SPOCK3: variants seen among roughly 807,000 people sequenced by gnomAD.
SPOCK3 encodes the protein SPARC (osteonectin), cwcv and kazal like domains proteoglycan 3.
SPOCK3 carries 30 observed loss-of-function variants against 56.6 expected under a neutral mutation model. The ratio of observed to expected loss-of-function variants is 0.53; its 90% CI spans 0.40 to 0.72. The LOEUF is 0.72. Ranked by LOEUF, SPOCK3 falls within the 30% of genes least tolerant of loss-of-function variation. The probability of loss-of-function intolerance (pLI) is 0.00; values close to 1 mark genes in which losing one functional copy is unlikely to be tolerated. For missense variants in SPOCK3, 527 were observed against 530.0 expected, an observed-to-expected ratio of 0.99 and a Z score of 0.06; for synonymous variants, 196 against 183.3, an observed-to-expected ratio of 1.07 and a Z score of -0.56.
chr4:166,776,798 C>T (rs1018330469), intron 7 of SPOCK3, among the ~76,000 whole-genome samples: 1 of 152,178 alleles, frequency 6.6e-6, no homozygotes, highest in Non-Finnish European at 1.5e-5. Context: ...ACCACCTAAA[C>T]ATCTGCTGGA....
chr4:167,077,294 A>T (rs1757282429), intron 2 of SPOCK3, among the ~76,000 whole-genome samples: 1 of 151,664 alleles, frequency 6.6e-6, no homozygotes, highest in African/African-American at 2.4e-5. Context: ...ACACATCAAA[A>T]TTCTTTAGAG....
intron 6 of SPOCK3, among the ~76,000 whole-genome samples, chr4:166,818,639 A>G (rs1744614814): frequency 6.6e-6 from 1 of 152,012 alleles, no homozygotes; most frequent in Non-Finnish European, 1.5e-5. Flanking sequence ...ATAGGCACAT[A>G]CTTCACTTAT....
intron 4 of SPOCK3, among the ~76,000 whole-genome samples, chr4:166,986,129 T>A (rs1022527927): frequency 6.6e-6 from 1 of 152,188 alleles, no homozygotes. Flanking sequence ...AAGCAAAACA[T>A]CTCAATGTCA....
chr4:167,112,551 G>A (rs1484092298), intron 2 of SPOCK3, among the ~76,000 whole-genome samples: 2 of 152,068 alleles, frequency 1.3e-5, no homozygotes, highest in Non-Finnish European at 2.9e-5. Flanking sequence ...GTCTCCAAAA[G>A]ATTGTCATGT....
intron 6 of SPOCK3, among the ~76,000 whole-genome samples, chr4:166,855,214 C>A (rs1170827100): frequency 1.3e-5 from 2 of 152,152 alleles, no homozygotes; most frequent in Non-Finnish European, 2.9e-5. Context: ...ATCAGCTCAG[C>A]ACTTCTCACA....
intron 4 of SPOCK3, among the ~76,000 whole-genome samples, chr4:166,934,973 G>A (rs1740233984): frequency 6.6e-6 from 1 of 152,124 alleles, no homozygotes; most frequent in South Asian, 2.1e-4. Context: ...CCAATTAGAG[G>A]AAACTGTGAG....
At chr4:167,163,876 T>C (rs764931836) in intron 2 of SPOCK3, among the ~76,000 whole-genome samples, 3 of 152,134 alleles carry the variant, frequency 2.0e-5, no homozygotes, top group Non-Finnish European at 4.4e-5. Context: ...ATAAATTATG[T>C]CTTTGGACAA....
chr4:167,229,921 A>G (rs1480356243), intron 2 of SPOCK3, among the ~76,000 whole-genome samples: 4 of 152,122 alleles, frequency 2.6e-5, no homozygotes, highest in Admixed American at 6.5e-5. Context: ...CTTAAAACAA[A>G]AAGTTCAGAA....
At chr4:166,792,313 G>A (rs781328475) in intron 6 of SPOCK3, 24 bp from the exon 7 acceptor site, 1 of 1,612,596 alleles carries the variant, frequency 6.2e-7, no homozygotes, top group Non-Finnish European at 8.5e-7. Context: ...AACAACACAA[G>A]TCTTGAATAA....
At chr4:166,851,260 G>C (rs898428668) in intron 6 of SPOCK3, among the ~76,000 whole-genome samples, 37 of 152,162 alleles carry the variant, frequency 2.4e-4, no homozygotes, top group South Asian at 4.1e-4. Context: ...TGAGGGTCCT[G>C]TCTGTTAGAA....
chr4:167,012,970 G>T (rs913490497), intron 3 of SPOCK3, among the ~76,000 whole-genome samples: 1 of 151,852 alleles, frequency 6.6e-6, no homozygotes, highest in Non-Finnish European at 1.5e-5. Flanking sequence ...TTAGACTTTT[G>T]ACAGTCAATT....
At chr4:167,185,753 C>G (rs567385588) in intron 2 of SPOCK3, among the ~76,000 whole-genome samples, 5 of 152,244 alleles carry the variant, frequency 3.3e-5, no homozygotes, top group Middle Eastern at 3.4e-3. Context: ...AACAGCTGCC[C>G]TTCTACAAAA....
chr4:166,800,330 A>T (rs1391603685), intron 6 of SPOCK3, among the ~76,000 whole-genome samples: 2 of 152,048 alleles, frequency 1.3e-5, no homozygotes, highest in African/African-American at 2.4e-5. Flanking sequence ...ACCAATATAG[A>T]CATATTTCTG....
At chr4:167,032,613 T>C (rs562867422) in intron 3 of SPOCK3, among the ~76,000 whole-genome samples, 5 of 151,852 alleles carry the variant, frequency 3.3e-5, no homozygotes, top group Non-Finnish European at 7.4e-5. Context: ...CCTGAGACCT[T>C]AGTATGCAGA....
intron 7 of SPOCK3, among the ~76,000 whole-genome samples, chr4:166,773,110 C>T (rs1327291506): frequency 6.6e-6 from 1 of 152,138 alleles, no homozygotes; most frequent in Non-Finnish European, 1.5e-5. Context: ...AGGTTTCTGG[C>T]ATTCCTTGAC....
intron 4 of SPOCK3, among the ~76,000 whole-genome samples, chr4:166,941,790 G>T (rs566457603): frequency 1.4e-4 from 22 of 152,292 alleles, no homozygotes; most frequent in African/African-American, 4.1e-4. Flanking sequence ...CCTGTAGTGA[G>T]TTCCCGGGGC....
intron 8 of SPOCK3, among the ~76,000 whole-genome samples, chr4:166,753,686 A>G (rs900010661): frequency 6.6e-6 from 1 of 152,080 alleles, no homozygotes; most frequent in African/African-American, 2.4e-5. Flanking sequence ...CAAGAATTTA[A>G]AAAAGCATTG....
intron 4 of SPOCK3, among the ~76,000 whole-genome samples, chr4:166,977,525 C>A (rs556260047): frequency 2.0e-5 from 3 of 152,124 alleles, no homozygotes; most frequent in Non-Finnish European, 2.9e-5. Flanking sequence ...TTTAAAATGA[C>A]TGTCATTTTG....
intron 2 of SPOCK3, among the ~76,000 whole-genome samples, chr4:167,109,822 A>G (rs542564592): frequency 2.0e-5 from 3 of 151,892 alleles, no homozygotes; most frequent in African/African-American, 7.2e-5. Flanking sequence ...CCATTCAGAA[A>G]AAAGAAAATA....
Sources: allele counts gnomAD v4.1 joint callset (sites outside exome capture counted in the v4.1 genomes callset), GRCh38; gene constraint gnomAD v4.1.1; transcripts MANE v1.5; gene names NCBI Gene and HGNC (gene_info 2026-07-23, HGNC 2026-07-21).